Variants in SSH2 observed in about 807,000 individuals in gnomAD.
SSH2 encodes the protein protein phosphatase Slingshot homolog 2.
In SSH2, 37 loss-of-function variants were observed where a neutral mutation model predicts 135.2. The observed-to-expected ratio is 0.27, with a 90% CI of 0.21 to 0.36. The LOEUF (loss-of-function observed/expected upper bound fraction) is 0.36, where lower values mean the gene tolerates loss of function less well. SSH2 is among the 10% of genes least tolerant of loss of function. The probability of loss-of-function intolerance (pLI) is 1.00; values close to 1 mark genes in which losing one functional copy is unlikely to be tolerated. For missense variants in SSH2, 1,408 were observed against 1,765.3 expected (o/e 0.80, Z 3.63); for synonymous variants, 628 against 646.2 (o/e 0.97, Z 0.43).
intron 12 of SSH2, among the ~76,000 whole-genome samples, 165 bp downstream of exon 12, chr17:29,655,396 C>T (rs1315068562): frequency 3.9e-5 from 6 of 152,204 alleles, no homozygotes; most frequent in African/African-American, 1.4e-4. Context: ...AGTCACCGTG[C>T]CCGGCCCAGC....
chr17:29,753,444 T>C (rs576040743), intron 3 of SSH2, among the ~76,000 whole-genome samples: 2 of 151,904 alleles, frequency 1.3e-5, no homozygotes, highest in East Asian at 3.9e-4. Context: ...CTGCTATTAA[T>C]GTTATTATTG....
At chr17:29,677,583 T>A (rs1320225302) in intron 7 of SSH2, 90 bp downstream of exon 7, 2 of 1,072,646 alleles carry the variant, frequency 1.9e-6, no homozygotes, top group East Asian at 2.4e-5. Context: ...GTTGGCACAC[T>A]GGGCCTCCCT....
chr17:29,869,856 C>G (rs1189242106), intron 1 of SSH2, among the ~76,000 whole-genome samples: 1 of 152,158 alleles, frequency 6.6e-6, no homozygotes, highest in African/African-American at 2.4e-5. Context: ...GAAATCAGAA[C>G]TCTCCTCATA....
At chr17:29,897,773 T>C (rs1276717355) in intron 1 of SSH2, among the ~76,000 whole-genome samples, 2 of 152,082 alleles carry the variant, frequency 1.3e-5, no homozygotes, top group Admixed American at 6.6e-5. Flanking sequence ...CTGCACCAAG[T>C]GGACCTAATA....
chr17:29,869,707 A>G (rs2065908956), intron 1 of SSH2, among the ~76,000 whole-genome samples: 1 of 152,200 alleles, frequency 6.6e-6, no homozygotes, highest in African/African-American at 2.4e-5. Context: ...CAAAGAAAAG[A>G]GTTCCTCTGA....
chr17:29,630,860 G>A lies in SSH2; in HGVS notation c.4334C>T (p.Pro1445Leu). Residue 1445 changes from proline to leucine, a missense_variant, in exon 16 of 16, where the codon CCC (proline) becomes CTC (leucine). Coordinates refer to ENST00000540801, the MANE Select transcript of SSH2 (RefSeq NM_001282129.2). ...TCAGAATCACATGGTATTATAGAAG[G>A]GGTTGGTTGTCCGTTTTTTGTCATT... ...KANDKKRTTN[P>L]FYNTM 1 of 1,558,502 alleles carries A rather than the reference G, an allele frequency of 6.4e-7. No homozygotes were observed. The highest frequency in any genetic ancestry group is 1.9e-5 in the Admixed American group (1 of 53,394).
At chr17:29,655,942 T>C (rs188587616) in intron 11 of SSH2, among the ~76,000 whole-genome samples, 24 of 152,318 alleles carry the variant, frequency 1.6e-4, no homozygotes, top group Admixed American at 1.4e-3. Context: ...ATCTCCTATT[T>C]TCCTCAACAG....
chr17:29,736,285 G>T (rs1156975651), intron 3 of SSH2, among the ~76,000 whole-genome samples: 1 of 152,020 alleles, frequency 6.6e-6, no homozygotes, highest in Non-Finnish European at 1.5e-5. Context: ...TAAACCTGTT[G>T]GACACTCTAG....
intron 3 of SSH2, among the ~76,000 whole-genome samples, chr17:29,779,809 T>G (rs1421192847): frequency 9.3e-5 from 1 of 10,764 alleles, no homozygotes; most frequent in Non-Finnish European, 1.7e-4. Flanking sequence ...AGACTCTGTC[T>G]CAAAAAAAAA....
chr17:29,693,189 C>T (rs990952652), intron 5 of SSH2, among the ~76,000 whole-genome samples: 23 of 152,012 alleles, frequency 1.5e-4, no homozygotes, highest in African/African-American at 4.6e-4. Context: ...CTCAAGCGAT[C>T]CTCCTGCCTT....
intron 14 of SSH2, among the ~76,000 whole-genome samples, chr17:29,646,005 C>T (rs1407414923): frequency 6.6e-6 from 1 of 152,190 alleles, no homozygotes; most frequent in Non-Finnish European, 1.5e-5. Flanking sequence ...TCATAAGACT[C>T]ACTGGAGTCA....
intron 12 of SSH2, among the ~76,000 whole-genome samples, chr17:29,654,448 A>C (rs1241694079): frequency 6.6e-6 from 1 of 152,124 alleles, no homozygotes; most frequent in East Asian, 1.9e-4. Flanking sequence ...GGGAAAAAGT[A>C]GGGAGTATTT....
At chr17:29,733,974 G>A (rs965536755) in intron 3 of SSH2, among the ~76,000 whole-genome samples, 10 of 148,668 alleles carry the variant, frequency 6.7e-5, no homozygotes, top group Admixed American at 3.4e-4. Flanking sequence ...GCAGTGGTGC[G>A]ATCTTGGCTC....
At chr17:29,643,000 G>T in intron 14 of SSH2, 2 of 484,622 alleles carry the variant, frequency 4.1e-6, no homozygotes, top group Non-Finnish European at 5.4e-6. Flanking sequence ...CAGGCCTCTT[G>T]GGATAAAATA....
At chr17:29,910,495 T>C (rs2066747310) in intron 1 of SSH2, among the ~76,000 whole-genome samples, 1 of 152,242 alleles carries the variant, frequency 6.6e-6, no homozygotes, top group East Asian at 1.9e-4. Context: ...ACACATTTAT[T>C]CAGAGAGTAA....
chr17:29,869,323 G>A (rs2065904165), intron 1 of SSH2, among the ~76,000 whole-genome samples: 2 of 152,214 alleles, frequency 1.3e-5, no homozygotes, highest in African/African-American at 4.8e-5. Context: ...ACAATCAAGA[G>A]TGTTGGTTGC....
At chr17:29,873,221 T>G (rs925091395) in intron 1 of SSH2, among the ~76,000 whole-genome samples, 1 of 152,088 alleles carries the variant, frequency 6.6e-6, no homozygotes, top group African/African-American at 2.4e-5. Context: ...GGTTTTAATA[T>G]GACTTTTAAA....
At chr17:29,732,266 AAGT>A (rs1188435368) in intron 3 of SSH2, among the ~76,000 whole-genome samples, 1 of 152,248 alleles carries the variant, frequency 6.6e-6, no homozygotes, top group African/African-American at 2.4e-5. Context: ...GCATTCTAAA[AAGT>A]AGCAAGCACC....
At position 29,632,740 on chromosome 17, in the gene SSH2, C is replaced by T. The variant is rs1294206378; in HGVS notation, c.2454G>A (p.Glu818=). The change falls in exon 16 of 16, where the codon GAG becomes GAA. Residue 818 remains glutamate, a synonymous_variant. Coordinates refer to ENST00000540801, the MANE Select transcript of SSH2 (RefSeq NM_001282129.2). ...KKNSIHELLL[E]RAQTPENKPG... is the part of the protein sequence containing the mutation. ...GTTTGTTCTCTGGAGTCTGGGCCCT[C>T]TCAAGGAGCAGCTCATGGATGCTGT... is the stretch of plus-strand genomic sequence containing the variant. 6.2e-7 allele frequency: 1 copy of T among 1,614,200 alleles called. No individual in the cohort carries two copies. The highest frequency in any genetic ancestry group is 1.7e-5 in the Admixed American group (1 of 60,018).
Sources: gnomAD v4.1 joint callset for allele counts (sites outside exome capture counted in the v4.1 genomes callset) on GRCh38, gnomAD v4.1.1 for gene constraint, MANE v1.5 for transcripts, NCBI Gene and HGNC (gene_info 2026-07-23, HGNC 2026-07-21) for gene names.